The following MTA3 variants were observed in gnomAD, a reference collection of about 807,000 sequenced individuals.
MTA3 encodes the protein metastasis associated 1 family member 3, also known as metastasis-associated protein MTA3.
In MTA3, 34 loss-of-function variants were observed where a neutral mutation model predicts 83.5. The observed-to-expected ratio is 0.41, with a 90% CI of 0.31 to 0.54. The LOEUF (loss-of-function observed/expected upper bound fraction) is 0.54, where lower values mean the gene tolerates loss of function less well. Ranked by LOEUF, MTA3 falls within the 20% of genes least tolerant of loss-of-function variation. The probability of loss-of-function intolerance (pLI) is 0.33; values close to 1 mark genes in which losing one functional copy is unlikely to be tolerated. For missense variants in MTA3, 761 were observed against 726.4 expected (o/e 1.05, Z -0.55); for synonymous variants, 303 against 252.7 (o/e 1.20, Z -1.89).
Position 42,755,782 on chromosome 2 carries a change from A to G in MTA3, c.*2383A>G. The G allele has an allele frequency of 1.0e-6, 1 of 985,502 alleles. No individual in the cohort carries two copies. Among genetic ancestry groups the G allele is most frequent in the Admixed American group, 6.1e-5 (1 of 16,284 alleles). 61.0% of individuals were successfully genotyped at this position (985,502 alleles called of 1,614,324 possible). A position where few individuals can be genotyped will look rare whatever the true frequency, so the allele number is the denominator to read the frequency against. ...AGTGGCATGTCACTGTGGTTCAGTG[A>G]GCACATGGGTGGACGTGCAGAGACT... On this transcript the variant is annotated 3_prime_UTR_variant, in exon 17 of 17. Transcript: ENST00000405094.
At position 42,707,866 on chromosome 2, in the gene MTA3, G is replaced by A. The variant is rs138842111; in HGVS notation, c.1151-37G>A. ...TTGTGTTGATGTTACAAATTAAATA[G>A]CATTTTTCGTTTTTTCTTATTTTTC... On this transcript the variant is annotated intron_variant, in intron 12 of 16. Transcript: ENST00000405094. 549 of 1,479,162 alleles carry A rather than the reference G, an allele frequency of 3.7e-4. 3 individuals carry two copies. The African/African-American group carries it at 7.2e-3, about 19-fold the overall frequency. The allele number at this position is 1,479,162 out of a possible 1,614,324, so 91.6% of individuals were successfully genotyped here.
intron 14 of MTA3, among the ~76,000 whole-genome samples, chr2:42,710,278 C>T (rs1363536610): frequency 1.3e-5 from 2 of 152,100 alleles, no homozygotes; most frequent in Non-Finnish European, 2.9e-5. Flanking sequence ...GAGGGCTGGG[C>T]GCGGTGGCTC....
intron 16 of MTA3, among the ~76,000 whole-genome samples, chr2:42,739,583 G>A (rs894191284): frequency 6.6e-6 from 1 of 152,196 alleles, no homozygotes. Context: ...AGCTGTGACA[G>A]TTTCTTAAAG....
intron 4 of MTA3, among the ~76,000 whole-genome samples, chr2:42,632,342 G>A (rs1433853560): frequency 6.6e-6 from 1 of 151,882 alleles, no homozygotes; most frequent in Non-Finnish European, 1.5e-5. Flanking sequence ...CGCCCACCTC[G>A]GCCTCCCAAA....
At chr2:42,552,630 A>C (rs928739484) in intron 2 of MTA3, among the ~76,000 whole-genome samples, 2 of 151,670 alleles carry the variant, frequency 1.3e-5, no homozygotes, top group African/African-American at 4.8e-5. Context: ...GTCCAAAAAA[A>C]AAAAAAAAAG....
intron 9 of MTA3, among the ~76,000 whole-genome samples, chr2:42,688,420 G>A (rs1692582661): frequency 6.6e-6 from 1 of 152,156 alleles, no homozygotes; most frequent in South Asian, 2.1e-4. Flanking sequence ...ATTATAATAG[G>A]TTTGTAGTAG....
rs556082340 is a variant in MTA3 at position 42,753,617 on chromosome 2, G to A, written c.*218G>A. ...TGGATCAGCAGCACCTCGCTTTCTT[G>A]TCAGAGACCTCGCTGTTACGGAGCG... On this transcript the variant is annotated 3_prime_UTR_variant, in exon 17 of 17. Transcript: ENST00000405094. 10 of 1,366,774 alleles carry A rather than the reference G, an allele frequency of 7.3e-6. No individual in the cohort carries two copies. Among genetic ancestry groups the A allele is most frequent in the African/African-American group, 1.5e-5 (1 of 67,374 alleles). The allele number at this position is 1,366,774 out of a possible 1,614,324, so 84.7% of individuals were successfully genotyped here.
intron 4 of MTA3, among the ~76,000 whole-genome samples, chr2:42,633,928 A>T (rs1686938007): frequency 6.6e-6 from 1 of 152,172 alleles, no homozygotes; most frequent in Non-Finnish European, 1.5e-5. Flanking sequence ...AATATATGCA[A>T]TCTTAAATGT....
upstream of MTA3, among the ~76,000 whole-genome samples, chr2:42,566,813 T>A (rs1222222643): frequency 6.6e-6 from 1 of 152,216 alleles, no homozygotes; most frequent in Non-Finnish European, 1.5e-5. Context: ...ACTTTATGGT[T>A]TCTAGGTGGC....
chr2:42,720,184 A>ATTTAT (rs1667304191), intron 15 of MTA3, among the ~76,000 whole-genome samples: 3 of 80,244 alleles, frequency 3.7e-5, no homozygotes, highest in African/African-American at 1.7e-4. Flanking sequence ...TATTTATTTT[A>ATTTAT]TTTATTTATT....
chr2:42,515,600 T>C lies in MTA3; in HGVS notation c.-141+20346T>C, dbSNP rs1291011023. On this transcript the variant is annotated intron_variant, in intron 2 of 17. Transcript: ENST00000405592. ...TCACTACAACCTCTGCCTCCTAGGT[T>C]CAAGCGATTCTCCTGCCTCAGCCTT... is the stretch of plus-strand genomic sequence containing the variant. Among the ~76,000 whole-genome samples the C allele has an allele frequency of 2.0e-5, 3 of 151,826 alleles. No individual in the cohort carries two copies. In the East Asian group the frequency reaches 5.8e-4, roughly 30 times the overall value.
chr2:42,544,403 G>A (rs1041618550), intron 2 of MTA3, among the ~76,000 whole-genome samples: 1 of 150,636 alleles, frequency 6.6e-6, no homozygotes, highest in Non-Finnish European at 1.5e-5. Flanking sequence ...CCAAGATTGC[G>A]CCACTGTACT....
At chr2:42,702,514 TC>T (rs1665673528) in intron 11 of MTA3, 1 of 152,246 alleles carries the variant, frequency 6.6e-6, no homozygotes, top group Non-Finnish European at 1.5e-5. Context: ...AACTCTGACT[TC>T]AGCTGTCTTG....
chr2:42,567,555 G>A (rs1320005322), upstream of MTA3, among the ~76,000 whole-genome samples: 1 of 151,898 alleles, frequency 6.6e-6, no homozygotes, highest in Non-Finnish European at 1.5e-5. Flanking sequence ...TTATTATGCA[G>A]CAATGTCTGG....
intron 3 of MTA3, among the ~76,000 whole-genome samples, chr2:42,582,811 G>A (rs187883520): frequency 7.0e-4 from 106 of 152,182 alleles, no homozygotes; most frequent in African/African-American, 2.5e-3. Context: ...GTATTAACTC[G>A]TAGAAAATAA....
intron 9 of MTA3, among the ~76,000 whole-genome samples, chr2:42,687,172 T>A (rs1692453275): frequency 6.6e-6 from 1 of 152,066 alleles, no homozygotes; most frequent in Non-Finnish European, 1.5e-5. Context: ...ACAGTACAGT[T>A]TCATCACCTC....
At chr2:42,659,940 G>C in intron 8 of MTA3, 78 bp downstream of exon 8, 1 of 1,136,702 alleles carries the variant, frequency 8.8e-7, no homozygotes, top group South Asian at 1.8e-5. Context: ...TGGCAATACT[G>C]TAGACCGGGA....
chr2:42,605,240 C>T (rs1366134855), intron 3 of MTA3, among the ~76,000 whole-genome samples: 8 of 95,274 alleles, frequency 8.4e-5, no homozygotes, highest in Admixed American at 2.1e-4. Context: ...CCCTCCCGGA[C>T]GGGGCGGCTG....
intron 2 of MTA3, among the ~76,000 whole-genome samples, chr2:42,536,302 C>T (rs185278651): frequency 1.3e-5 from 2 of 151,782 alleles, no homozygotes; most frequent in Admixed American, 1.3e-4. Context: ...GAAGAAACCC[C>T]GTCTCTAATA....
Sources: gnomAD v4.1 joint callset for allele counts (sites outside exome capture counted in the v4.1 genomes callset) on GRCh38, gnomAD v4.1.1 for gene constraint, MANE v1.5 for transcripts, NCBI Gene and HGNC (gene_info 2026-07-23, HGNC 2026-07-21) for gene names.